The following PCDH9 variants were observed in gnomAD, a reference collection of about 807,000 sequenced individuals.
The protein encoded by PCDH9 is protocadherin 9, also known as protocadherin-9.
A neutral mutation model predicts 70.6 loss-of-function variants in PCDH9; 24 were observed. The ratio of observed to expected loss-of-function variants is 0.34; its 90% confidence interval spans 0.25 to 0.48. PCDH9 has a LOEUF of 0.48. PCDH9 is among the 20% of genes least tolerant of loss of function. The pLI is 0.99. For missense variants in PCDH9, 1,281 were observed against 1,503.6 expected, an observed-to-expected ratio of 0.85 and a Z score of 2.45; for synonymous variants, 562 against 558.5, an observed-to-expected ratio of 1.01 and a Z score of -0.09.
chr13:66,955,549 G>A (rs1369585992), intron 2 of PCDH9, among the ~76,000 whole-genome samples: 17 of 152,186 alleles, frequency 1.1e-4, no homozygotes, highest in Non-Finnish European at 1.0e-4. Context: ...CATGTTATGA[G>A]ACCTCTTTGA....
At chr13:66,708,271 G>A (rs1021555507) in intron 3 of PCDH9, among the ~76,000 whole-genome samples, 2 of 151,712 alleles carry the variant, frequency 1.3e-5, no homozygotes, top group Admixed American at 1.3e-4. Context: ...GGATGGTCTC[G>A]ATCTCCTGAT....
rs117508647 is a variant in PCDH9, at chr13:66,519,949, T to C, written c.3340+111261A>G. On this transcript the variant is annotated intron_variant, in intron 4 of 4. Transcript: ENST00000377865. ...AAAGTATCACACTAAATAAACTTTT[T>C]TGACTGACGTGTATTTTCTGTTACT... Among the ~76,000 whole-genome samples, 369 of 152,266 alleles carry C rather than the reference T, an allele frequency of 2.4e-3. 1 individual carries two copies. Among genetic ancestry groups the C allele is most frequent in the South Asian group, 5.8e-3 (28 of 4,834 alleles).
intron 2 of PCDH9, among the ~76,000 whole-genome samples, chr13:67,154,646 A>G (rs2087762055): frequency 8.8e-6 from 1 of 113,034 alleles, no homozygotes; most frequent in Non-Finnish European, 2.1e-5. Context: ...ACACACACAC[A>G]TACAAGATAC....
chr13:66,332,050 C>T (rs959735479), intron 4 of PCDH9, among the ~76,000 whole-genome samples: 1 of 151,986 alleles, frequency 6.6e-6, no homozygotes, highest in African/African-American at 2.4e-5. Context: ...GAGATGACAG[C>T]GACTCAAGGT....
intron 4 of PCDH9, among the ~76,000 whole-genome samples, chr13:66,509,545 C>T (rs1034436552): frequency 8.5e-5 from 13 of 152,166 alleles, no homozygotes; most frequent in South Asian, 6.2e-4. Flanking sequence ...TCACCCCAAT[C>T]GTTAAAAATC....
At chr13:67,206,031 G>A (rs142021000) in intron 2 of PCDH9, 1,772 of 152,220 alleles carry the variant, frequency 0.012, 25 homozygotes, top group Middle Eastern at 0.061. Context: ...TGTAGAGATG[G>A]GGTCTCGCTA....
intron 2 of PCDH9, among the ~76,000 whole-genome samples, chr13:67,157,036 T>A (rs1302223483): frequency 1.3e-5 from 2 of 152,226 alleles, no homozygotes; most frequent in Non-Finnish European, 2.9e-5. Flanking sequence ...TATTATAATA[T>A]TTTATCTCTT....
At chr13:67,044,971 A>C (rs1180008939) in intron 2 of PCDH9, among the ~76,000 whole-genome samples, 1 of 152,214 alleles carries the variant, frequency 6.6e-6, no homozygotes, top group African/African-American at 2.4e-5. Context: ...CAGGTGAAGC[A>C]GAGATTGCAC....
intron 4 of PCDH9, among the ~76,000 whole-genome samples, chr13:66,580,651 T>C (rs2076878527): frequency 6.6e-6 from 1 of 151,744 alleles, no homozygotes; most frequent in South Asian, 2.1e-4. Context: ...GACAAATACT[T>C]CCCACCACCA....
chr13:67,190,054 C>T (rs983921882), intron 2 of PCDH9, among the ~76,000 whole-genome samples: 1 of 151,930 alleles, frequency 6.6e-6, no homozygotes, highest in Admixed American at 6.6e-5. Flanking sequence ...ATCTTACTTG[C>T]CAGTCTCATT....
chr13:66,721,338 A>C (rs1447915551), intron 3 of PCDH9, among the ~76,000 whole-genome samples: 1 of 152,180 alleles, frequency 6.6e-6, no homozygotes, highest in Non-Finnish European at 1.5e-5. Flanking sequence ...CACATTACCT[A>C]TTCTCAGCAT....
chr13:66,955,295 C>T (rs1157077928), intron 2 of PCDH9, among the ~76,000 whole-genome samples: 1 of 152,146 alleles, frequency 6.6e-6, no homozygotes, highest in Non-Finnish European at 1.5e-5. Context: ...CTCTCCTAAT[C>T]AGCTTATTTA....
chr13:66,880,182 T>G (rs1416913573), intron 3 of PCDH9: 1 of 152,196 alleles, frequency 6.6e-6, no homozygotes, highest in Non-Finnish European at 1.5e-5. Flanking sequence ...GTAAGTGGAA[T>G]AATGATAAAA....
rs762237027 is a variant in PCDH9, at chr13:67,056,478, T to C, written c.3037-152873A>G. Among the ~76,000 whole-genome samples, 55 of 152,322 alleles carry C rather than the reference T, an allele frequency of 3.6e-4. No homozygotes were observed. The Middle Eastern group carries it at 0.017, about 47-fold the overall frequency. On this transcript the variant is annotated intron_variant, in intron 2 of 4. Transcript: ENST00000377865. The stretch of plus-strand genomic sequence containing the variant: ...TATTACAGATGATAAAGAAGCTTTC[T>C]TGATAGAAGTCTGTCTCAGGGGAAT...
At chr13:66,621,576 A>G (rs1358976292) in intron 4 of PCDH9, among the ~76,000 whole-genome samples, 2 of 152,234 alleles carry the variant, frequency 1.3e-5, no homozygotes, top group African/African-American at 2.4e-5. Context: ...GTAGACTCAT[A>G]AACTATGTGG....
At chr13:66,351,718 G>A (rs549875515) in intron 4 of PCDH9, among the ~76,000 whole-genome samples, 13 of 152,170 alleles carry the variant, frequency 8.5e-5, no homozygotes, top group African/African-American at 3.1e-4. Context: ...AAGCAAAAAA[G>A]TAGGTGAATC....
At chr13:66,411,647 A>C in intron 4 of PCDH9, among the ~76,000 whole-genome samples, 1 of 120,722 alleles carries the variant, frequency 8.3e-6, no homozygotes, top group South Asian at 2.2e-4. Context: ...TAGATGATGG[A>C]TAGATAGATA....
intron 4 of PCDH9, among the ~76,000 whole-genome samples, chr13:66,593,210 G>A (rs2077058472): frequency 2.0e-5 from 3 of 151,724 alleles, no homozygotes; most frequent in Admixed American, 2.0e-4. Context: ...ATAGATGCCT[G>A]ATTGAAGAAC....
chr13:66,672,739 G>A (rs1469387589), intron 3 of PCDH9, among the ~76,000 whole-genome samples: 1 of 152,204 alleles, frequency 6.6e-6, no homozygotes, highest in Non-Finnish European at 1.5e-5. Flanking sequence ...TGACCTGGAT[G>A]TGAGACATGC....
Sources: allele counts gnomAD v4.1 joint callset (sites outside exome capture counted in the v4.1 genomes callset), GRCh38; gene constraint gnomAD v4.1.1; transcripts MANE v1.5; gene names NCBI Gene and HGNC (gene_info 2026-07-23, HGNC 2026-07-21).